The following MCTP1 variants were observed in gnomAD, a reference collection of about 807,000 sequenced individuals.
The protein encoded by MCTP1 is multiple C2 and transmembrane domain containing 1.
In MCTP1, 69 loss-of-function variants were observed where a neutral mutation model predicts 120.6. That is an observed-to-expected ratio of 0.57 (90% CI 0.47 to 0.70). The LOEUF (loss-of-function observed/expected upper bound fraction) is 0.70, where lower values mean the gene tolerates loss of function less well. Among genes scored for constraint, MCTP1 ranks in the 30% least tolerant of loss-of-function variants. The probability of loss-of-function intolerance (pLI) is 0.00; values close to 1 mark genes in which losing one functional copy is unlikely to be tolerated. For synonymous variants in MCTP1, 529 were observed against 493.1 expected (o/e 1.07, Z -0.96); for missense variants, 1,203 against 1,248.8 (o/e 0.96, Z 0.55).
Position 94,888,930 on chromosome 5 carries a change from G to A in MCTP1, c.1882C>T (p.Leu628Phe). ...IFHNLKDVGF[L>F]QVKVIRAEGL... The stretch of plus-strand genomic sequence containing the variant: ...TCCGCTCTGATGACTTTCACCTGGA[G>A]AAATCCCACATCTTTCAGGTTGTGA... The change falls in exon 12 of 23, where the codon CTC (leucine) becomes TTC (phenylalanine). Residue 628 changes from leucine (L) to phenylalanine (F), a missense_variant. Around this residue, in one of 2 missense-constraint regions of MCTP1, gnomAD observed 740 missense variants for 871.1 expected, o/e 0.85. Transcript: ENST00000515393. 1 of 1,613,946 alleles carries A rather than the reference G, an allele frequency of 6.2e-7. No individual in the cohort carries two copies. The highest frequency in any genetic ancestry group is 8.5e-7 in the Non-Finnish European group (1 of 1,179,876).
intron 1 of MCTP1, among the ~76,000 whole-genome samples, chr5:95,018,110 T>C (rs894536623): frequency 2.0e-5 from 3 of 152,110 alleles, no homozygotes; most frequent in Admixed American, 6.6e-5. Context: ...GATCTAAAAA[T>C]GTTTGTGAGC....
chr5:94,914,757 C>T (rs1243951732), intron 8 of MCTP1, among the ~76,000 whole-genome samples: 1 of 152,218 alleles, frequency 6.6e-6, no homozygotes, highest in Non-Finnish European at 1.5e-5. Context: ...CTGCTCCTGT[C>T]TGTTCTCCAT....
intron 1 of MCTP1, among the ~76,000 whole-genome samples, chr5:95,193,898 T>C (rs564281962): frequency 1.1e-4 from 17 of 152,220 alleles, no homozygotes; most frequent in African/African-American, 3.9e-4. Flanking sequence ...CTGAGGAAAC[T>C]GAGGAACAAA....
intron 2 of MCTP1, among the ~76,000 whole-genome samples, chr5:94,985,865 T>C (rs1314607800): frequency 6.6e-6 from 1 of 152,202 alleles, no homozygotes; most frequent in African/African-American, 2.4e-5. Flanking sequence ...AAATGGCTTG[T>C]CTGTATAATC....
chr5:94,955,520 G>A (rs1822374431), intron 2 of MCTP1, among the ~76,000 whole-genome samples: 1 of 152,212 alleles, frequency 6.6e-6, no homozygotes, highest in African/African-American at 2.4e-5. Flanking sequence ...CCACTGGCTT[G>A]AAATTCTCAT....
intron 12 of MCTP1, among the ~76,000 whole-genome samples, chr5:94,882,481 AT>A (rs1256268207): frequency 2.0e-5 from 3 of 151,820 alleles, no homozygotes; most frequent in Admixed American, 6.6e-5. Context: ...CATTTCCTTG[AT>A]CCGTTGTTCT....
intron 2 of MCTP1, among the ~76,000 whole-genome samples, chr5:95,006,730 C>T (rs963236814): frequency 1.3e-5 from 2 of 152,196 alleles, no homozygotes; most frequent in Non-Finnish European, 2.9e-5. Context: ...AAAACTTTCT[C>T]TGATGATACA....
At chr5:94,937,003 C>T (rs1816359668) in intron 5 of MCTP1, among the ~76,000 whole-genome samples, 2 of 152,022 alleles carry the variant, frequency 1.3e-5, no homozygotes, top group South Asian at 2.1e-4. Context: ...CACTGGTTAC[C>T]CTTCTCTCTG....
In MCTP1 at chr5:95,284,615, TCC is replaced by T; in HGVS notation, c.-42_-41del. The T allele has an allele frequency of 7.4e-7, 1 of 1,354,632 alleles. No individual in the cohort carries two copies. The highest frequency in any genetic ancestry group is 9.5e-7 in the Non-Finnish European group (1 of 1,048,858). 83.9% of individuals were successfully genotyped at this position (1,354,632 alleles called of 1,614,324 possible). The stretch of plus-strand genomic sequence containing the variant: ...TCCTCCTCTCCCCTCCTCCTCCTCC[TCC>T]TCCTCCTGCTTCTCCTCCCTCTTCG... On this transcript the variant is annotated 5_prime_UTR_variant, in exon 1 of 23. Coordinates refer to ENST00000515393, the MANE Select transcript of MCTP1 (RefSeq NM_024717.7). This position sits in a 1 kb window ranked among gnomAD's most constrained non-coding sequence, Gnocchi z 5.2.
At chr5:94,789,745 GTTGT>G (rs1316459793) in intron 18 of MCTP1, 5 of 152,168 alleles carry the variant, frequency 3.3e-5, no homozygotes, top group African/African-American at 1.2e-4. Flanking sequence ...TATTCTATCA[GTTGT>G]TTGTTTCTCT....
chr5:95,210,659 A>T (rs987782377), intron 1 of MCTP1, among the ~76,000 whole-genome samples: 2 of 151,442 alleles, frequency 1.3e-5, no homozygotes, highest in African/African-American at 2.4e-5. Context: ...TAATTGGAGC[A>T]TTTAGTCCAT....
chr5:95,284,557 C>G lies in MCTP1; in HGVS notation c.19G>C (p.Ala7Pro). The stretch of plus-strand genomic sequence containing the variant: ...GCCGGCGGCTCTGGCTCGCCCGCCG[C>G]GGCAGCCCGGGGCTCCATCCTCCAC... MEPRAA[A>P]AGEPEPPAAS... The change falls in exon 1 of 23, where the codon GCG (alanine) becomes CCG (proline). Residue 7 changes from alanine (A) to proline (P), a missense_variant. By Grantham distance (27) the Ala-to-Pro change is conservative. This residue lies in a region of MCTP1 where 463 missense variants were observed against 377.8 expected (regional missense o/e 1.23). Transcript: ENST00000515393. This position sits in a 1 kb window ranked among gnomAD's most constrained non-coding sequence, Gnocchi z 5.2. 1 of 1,447,298 alleles carries G rather than the reference C, an allele frequency of 6.9e-7. No individual in the cohort carries two copies. Among genetic ancestry groups the G allele is most frequent in the Non-Finnish European group, 9.0e-7 (1 of 1,112,474 alleles). The allele number at this position is 1,447,298 out of a possible 1,614,324, so 89.7% of individuals were successfully genotyped here. A position where few individuals can be genotyped will look rare whatever the true frequency, so the allele number is the denominator to read the frequency against.
intron 1 of MCTP1, among the ~76,000 whole-genome samples, chr5:95,136,158 C>A (rs1338928616): frequency 6.6e-6 from 1 of 152,204 alleles, no homozygotes; most frequent in African/African-American, 2.4e-5. Context: ...GCCTTGGTAT[C>A]CCTTCTCCCT....
At chr5:94,746,153 G>A (rs1017072449) in intron 19 of MCTP1, among the ~76,000 whole-genome samples, 3 of 152,138 alleles carry the variant, frequency 2.0e-5, no homozygotes, top group African/African-American at 7.2e-5. Context: ...GAAAACTGAG[G>A]ATTTAGGCAG....
intron 1 of MCTP1, among the ~76,000 whole-genome samples, chr5:95,062,311 A>G (rs1230280800): frequency 5.3e-5 from 8 of 152,214 alleles, no homozygotes; most frequent in African/African-American, 1.9e-4. Flanking sequence ...TTGGTAAAAA[A>G]GAATTAGATG....
chr5:94,948,686 C>A (rs944070730), intron 3 of MCTP1, among the ~76,000 whole-genome samples: 2 of 151,994 alleles, frequency 1.3e-5, no homozygotes, highest in African/African-American at 2.4e-5. Flanking sequence ...CCCAGAATAA[C>A]CTATTGAGGT....
At chr5:94,758,231 G>T (rs1460415774) in intron 19 of MCTP1, among the ~76,000 whole-genome samples, 1 of 152,180 alleles carries the variant, frequency 6.6e-6, no homozygotes, top group Non-Finnish European at 1.5e-5. Context: ...TGAACAAATG[G>T]ATGAATTGAA....
At chr5:94,917,293 G>T (rs1361592697) in intron 8 of MCTP1, among the ~76,000 whole-genome samples, 1 of 152,078 alleles carries the variant, frequency 6.6e-6, no homozygotes, top group African/African-American at 2.4e-5. Context: ...CTCTCAACTA[G>T]GTCCTTGTTG....
chr5:94,814,860 A>G (rs1273331097), intron 17 of MCTP1, among the ~76,000 whole-genome samples: 1 of 152,200 alleles, frequency 6.6e-6, no homozygotes, highest in Non-Finnish European at 1.5e-5. Flanking sequence ...ACTACTGGAT[A>G]AATATGACAA....
Sources: gnomAD v4.1 joint callset for allele counts (sites outside exome capture counted in the v4.1 genomes callset) on GRCh38, gnomAD v4.1.1 for gene constraint, gnomAD v4.1.1 regional missense constraint, Gnocchi (gnomAD v3.1) non-coding constraint, MANE v1.5 for transcripts, NCBI Gene and HGNC (gene_info 2026-07-23, HGNC 2026-07-21) for gene names.